Variants in RYR2 observed in about 807,000 individuals in gnomAD.
RYR2 encodes the protein cardiac muscle ryanodine receptor-calcium release channel.
RYR2 carries 227 observed loss-of-function variants against 601.1 expected under a neutral mutation model. The observed-to-expected ratio is 0.38, with a 90% CI of 0.34 to 0.42. The LOEUF is 0.42. RYR2 is among the 10% of genes least tolerant of loss of function. RYR2 has a pLI of 1.00. For missense variants in RYR2, 4,646 were observed against 6,156.5 expected, an observed-to-expected ratio of 0.75 and a Z score of 8.21; for synonymous variants, 2,223 against 2,175.1, an observed-to-expected ratio of 1.02 and a Z score of -0.61.
intron 2 of RYR2, among the ~76,000 whole-genome samples, chr1:237,290,767 A>G (rs567042710): frequency 3.3e-5 from 5 of 152,348 alleles, no homozygotes; most frequent in African/African-American, 9.6e-5. Flanking sequence ...ACTATCAAAA[A>G]TTATAAAGAT....
chr1:237,314,024 C>CAAA (rs373360513), intron 2 of RYR2, among the ~76,000 whole-genome samples: 1 of 43,870 alleles, frequency 2.3e-5, no homozygotes, highest in Non-Finnish European at 4.8e-5. Flanking sequence ...AGAAACTCAG[C>CAAA]AAAAAAAAAA....
chr1:237,553,752 C>T (rs1367476467), intron 27 of RYR2, among the ~76,000 whole-genome samples: 3 of 28,038 alleles, frequency 1.1e-4, no homozygotes, highest in African/African-American at 1.6e-4. Flanking sequence ...AGGTCTTATA[C>T]ATTATTTGAT....
chr1:237,561,629 G>C (rs1306154840), intron 27 of RYR2, among the ~76,000 whole-genome samples: 1 of 152,124 alleles, frequency 6.6e-6, no homozygotes, highest in African/African-American at 2.4e-5. Flanking sequence ...GATGGGCAGA[G>C]AGAACAGACA....
intron 8 of RYR2, among the ~76,000 whole-genome samples, chr1:237,386,115 T>G (rs1275472941): frequency 6.6e-6 from 1 of 152,194 alleles, no homozygotes; most frequent in Non-Finnish European, 1.5e-5. Context: ...GGCAGCTAGT[T>G]GAGGTTGAGG....
Position 237,500,796 on chromosome 1 carries a change from C to G in RYR2, c.2289C>G (p.Ala763=). ...DVISCCLDLS[A]PSISFRINGQ... is the part of the protein sequence containing the mutation. ...TCAGTTGCTGTTTAGATCTGAGTGCCCCAAGCATCTCGTTCCGAATTAATG... is the reference window on the plus strand; with the variant it reads ...TCAGTTGCTGTTTAGATCTGAGTGCGCCAAGCATCTCGTTCCGAATTAATG... Residue 763 remains alanine (A), a synonymous_variant, in exon 21 of 105, where the codon GCC becomes GCG. Coordinates refer to ENST00000366574, the MANE Select transcript of RYR2 (RefSeq NM_001035.3). 6.2e-7 allele frequency: 1 copy of G among 1,613,956 alleles called. No individual in the cohort carries two copies. Among genetic ancestry groups the G allele is most frequent in the Non-Finnish European group, 8.5e-7 (1 of 1,179,870 alleles).
intron 16 of RYR2, among the ~76,000 whole-genome samples, chr1:237,457,769 T>G (rs142809216): frequency 3.3e-5 from 5 of 152,296 alleles, no homozygotes; most frequent in African/African-American, 1.2e-4. Context: ...AATGACAAAT[T>G]TGCAAGATGT....
At chr1:237,575,184 C>T (rs969025612) in intron 29 of RYR2, among the ~76,000 whole-genome samples, 4 of 152,260 alleles carry the variant, frequency 2.6e-5, no homozygotes, top group South Asian at 2.1e-4. Context: ...AGTTCATACG[C>T]GGTTACCTCA....
chr1:237,801,237 A>G (rs964074691), intron 97 of RYR2, among the ~76,000 whole-genome samples: 1 of 152,096 alleles, frequency 6.6e-6, no homozygotes, highest in African/African-American at 2.4e-5. Context: ...TCAAGGAATA[A>G]ATGTTATATG....
At chr1:237,765,552 A>C (rs12404009) in intron 84 of RYR2, among the ~76,000 whole-genome samples, 1 of 152,306 alleles carries the variant, frequency 6.6e-6, no homozygotes, top group African/African-American at 2.4e-5. Context: ...AGCAACACAA[A>C]TTGATTAAGC....
At chr1:237,468,917 T>A (rs1660376668) in intron 16 of RYR2, among the ~76,000 whole-genome samples, 175 bp from the exon 17 acceptor site, 3 of 152,190 alleles carry the variant, frequency 2.0e-5, no homozygotes, top group Admixed American at 2.0e-4. Context: ...TAATTATTAA[T>A]TTGTCTTTAA....
chr1:237,170,755 G>T (rs2148903189), intron 1 of RYR2, among the ~76,000 whole-genome samples: 1 of 152,290 alleles, frequency 6.6e-6, no homozygotes, highest in South Asian at 2.1e-4. Context: ...GTGTTGTGGG[G>T]CTGGAGGAAG....
chr1:237,556,880 C>CAAAAAAA lies in RYR2; in HGVS notation c.3214+6212_3214+6218dup, dbSNP rs869116177. 3.9e-5 allele frequency among the ~76,000 whole-genome samples: 3 copies of CAAAAAAA among 77,836 alleles called. 1 individual carries two copies. The highest frequency in any genetic ancestry group is 1.7e-4 in the African/African-American group (3 of 18,016). 51.1% of individuals were successfully genotyped at this position (77,836 alleles called of 152,430 possible). A position where few individuals can be genotyped will look rare whatever the true frequency, so the allele number is the denominator to read the frequency against. The stretch of plus-strand genomic sequence containing the variant: ...AGCAAACTACCCCTTTCCCTCCCAC[C>CAAAAAAA]AAAAAAAAAAAAAAAAAAAAAAAAA... On this transcript the variant is annotated intron_variant, in intron 27 of 104. Transcript: ENST00000366574.
chr1:237,824,165 T>TA (rs1662834850), intron 101 of RYR2, among the ~76,000 whole-genome samples: 1 of 152,148 alleles, frequency 6.6e-6, no homozygotes, highest in Non-Finnish European at 1.5e-5. Context: ...GAATTCTCCC[T>TA]AACTCATATT....
At chr1:237,828,508 C>A in intron 102 of RYR2, 63 bp downstream of exon 102, 1 of 1,056,670 alleles carries the variant, frequency 9.5e-7, no homozygotes, top group Non-Finnish European at 1.4e-6. Context: ...TCCTCACTAC[C>A]TTTATCAATA....
Position 237,252,753 on chromosome 1 carries a change from A to G in RYR2, c.49-17744A>G, listed in dbSNP as rs550718438. On this transcript the variant is annotated intron_variant, in intron 1 of 104. Coordinates refer to ENST00000366574, the MANE Select transcript of RYR2 (RefSeq NM_001035.3). ...GGTGGAGATTTCAGAGAGGAAAAAC[A>G]TTGCAATCCCAGTGACTAGTAAAAG... is the stretch of plus-strand genomic sequence containing the variant. Among the ~76,000 whole-genome samples, 7 of 152,342 alleles carry G rather than the reference A, an allele frequency of 4.6e-5. No homozygotes were observed. In the South Asian group the frequency reaches 1.2e-3, roughly 27 times the overall value.
At chr1:237,511,015 G>A (rs1329845802) in intron 23 of RYR2, among the ~76,000 whole-genome samples, 1 of 152,182 alleles carries the variant, frequency 6.6e-6, no homozygotes, top group Non-Finnish European at 1.5e-5. Flanking sequence ...GTTTATGTCA[G>A]TCAGTCCTGT....
intron 64 of RYR2, 47 bp downstream of exon 64, chr1:237,699,072 CAT>C: frequency 1.2e-6 from 1 of 868,466 alleles, no homozygotes. Context: ...AATAATGATA[CAT>C]GTATATATAT....
intron 66 of RYR2, among the ~76,000 whole-genome samples, chr1:237,704,210 A>T (rs978312361): frequency 2.6e-5 from 4 of 152,120 alleles, no homozygotes; most frequent in African/African-American, 9.6e-5. Context: ...CTGAGAAAAG[A>T]AGTGTGGAAA....
chr1:237,520,977 C>T (rs1004370949), intron 24 of RYR2, among the ~76,000 whole-genome samples: 3 of 151,972 alleles, frequency 2.0e-5, no homozygotes, highest in Admixed American at 6.6e-5. Context: ...ACAGAGTTTG[C>T]CATAAGCCGG....
Sources: allele counts gnomAD v4.1 joint callset (sites outside exome capture counted in the v4.1 genomes callset), GRCh38; gene constraint gnomAD v4.1.1; transcripts MANE v1.5; gene names NCBI Gene and HGNC (gene_info 2026-07-23, HGNC 2026-07-21).